Variants in ROBO1 observed in about 807,000 individuals in gnomAD.
ROBO1 encodes roundabout guidance receptor 1.
A neutral mutation model predicts 195.9 loss-of-function variants in ROBO1; 149 were observed. The ratio of observed to expected loss-of-function variants is 0.76; its 90% CI spans 0.67 to 0.87. ROBO1 has a LOEUF of 0.87. Among genes scored for constraint, ROBO1 ranks in the 40% least tolerant of loss-of-function variants. The pLI is 0.00. For synonymous variants in ROBO1, 816 were observed against 733.2 expected, an observed-to-expected ratio of 1.11 and a Z score of -1.82; for missense variants, 1,933 against 2,068.3, an observed-to-expected ratio of 0.93 and a Z score of 1.27.
Position 79,143,427 on chromosome 3 carries a change from T to C in ROBO1, c.89-17888A>G, listed in dbSNP as rs548593989. Among the ~76,000 whole-genome samples, 112 of 152,146 alleles carry C rather than the reference T, an allele frequency of 7.4e-4. No individual in the cohort carries two copies. The Middle Eastern group carries it at 0.01, about 14-fold the overall frequency. On this transcript the variant is annotated intron_variant, in intron 2 of 30. Coordinates refer to ENST00000464233, the MANE Select transcript of ROBO1 (RefSeq NM_002941.4). ...GAAATAACACAGGAAATAAAAAATG[T>C]GCCAGAGTACTTACCCAATGCAGGG...
intron 2 of ROBO1, among the ~76,000 whole-genome samples, chr3:79,253,559 G>T (rs2082771653): frequency 6.6e-6 from 1 of 152,160 alleles, no homozygotes; most frequent in African/African-American, 2.4e-5. Context: ...ATGTTCTTTA[G>T]TTGAAGATGG....
intron 3 of ROBO1, among the ~76,000 whole-genome samples, chr3:78,978,129 T>C (rs927410795): frequency 3.3e-5 from 5 of 152,242 alleles, no homozygotes; most frequent in South Asian, 4.1e-4. Flanking sequence ...TCAGATTGAA[T>C]TGACTGTAGA....
chr3:79,405,291 T>C (rs1377560847), intron 2 of ROBO1, among the ~76,000 whole-genome samples: 1 of 152,184 alleles, frequency 6.6e-6, no homozygotes, highest in Non-Finnish European at 1.5e-5. Context: ...CTGAGATCAG[T>C]ACCCCGACTG....
At chr3:79,543,961 T>G (rs2107649939) in intron 2 of ROBO1, among the ~76,000 whole-genome samples, 1 of 152,162 alleles carries the variant, frequency 6.6e-6, no homozygotes, top group African/African-American at 2.4e-5. Flanking sequence ...ATGTTTAGAC[T>G]AAACAAAAAA....
intron 2 of ROBO1, among the ~76,000 whole-genome samples, chr3:79,205,666 T>G (rs1195497210): frequency 2.0e-5 from 3 of 152,130 alleles, no homozygotes; most frequent in South Asian, 2.1e-4. Flanking sequence ...AATTATACTC[T>G]GGGGAAATCA....
At chr3:79,091,040 A>T (rs1424363895) in intron 3 of ROBO1, among the ~76,000 whole-genome samples, 1 of 152,112 alleles carries the variant, frequency 6.6e-6, no homozygotes, top group Non-Finnish European at 1.5e-5. Context: ...ATTATCTGGA[A>T]TTTGGAATTT....
intron 8 of ROBO1, among the ~76,000 whole-genome samples, chr3:78,694,181 T>C (rs2081237615): frequency 6.6e-6 from 1 of 152,208 alleles, no homozygotes; most frequent in Non-Finnish European, 1.5e-5. Context: ...TCAAATAATA[T>C]ATATTTAAAA....
intron 2 of ROBO1, among the ~76,000 whole-genome samples, chr3:79,562,436 C>T (rs1426293956): frequency 6.6e-6 from 1 of 151,990 alleles, no homozygotes; most frequent in Non-Finnish European, 1.5e-5. Flanking sequence ...TGCTCATCAT[C>T]ACTGGTCATT....
Position 78,661,255 on chromosome 3 carries a change from G to A in ROBO1, c.2095C>T (p.Gln699Ter). ...SSIEVHWTVD[Q>*]QSQYIQGYKI... ...TATCCTTGTATATACTGAGACTGTT[G>A]ATCTACCTATTAAAAAGACAAGTAA... is the stretch of plus-strand genomic sequence containing the variant. The change falls in exon 16 of 31, where the codon CAA (glutamine) becomes TAA (stop). Residue 699 changes from glutamine to a stop codon, truncating the protein, a stop_gained. Transcript: ENST00000464233. LOFTEE classifies it high-confidence loss of function. 6.6e-7 allele frequency: 1 copy of A among 1,522,518 alleles called. No homozygotes were observed. The highest frequency in any genetic ancestry group is 8.9e-7 in the Non-Finnish European group (1 of 1,124,340). 94.3% of individuals were successfully genotyped at this position (1,522,518 alleles called of 1,614,324 possible).
rs528292250 is a variant in ROBO1 at position 79,305,221 on chromosome 3, T to G, written c.89-179682A>C. The stretch of plus-strand genomic sequence containing the variant: ...TTACAAAAGTGGCTGGAGTGGTAGC[T>G]CACGCCTGTAATCCCAACACTTTGA... On this transcript the variant is annotated intron_variant, in intron 2 of 30. Coordinates refer to ENST00000464233, the MANE Select transcript of ROBO1 (RefSeq NM_002941.4). Among the ~76,000 whole-genome samples, 4 of 152,258 alleles carry G rather than the reference T, an allele frequency of 2.6e-5. No homozygotes were observed. The South Asian group carries it at 6.2e-4, about 24-fold the overall frequency.
In ROBO1 at chr3:79,320,567, C is replaced by T. The variant is rs116848033; in HGVS notation, c.89-195028G>A. 1.8e-3 allele frequency among the ~76,000 whole-genome samples: 279 copies of T among 152,192 alleles called. 4 individuals are homozygous for T. The East Asian group carries it at 0.035, about 19-fold the overall frequency. On this transcript the variant is annotated intron_variant, in intron 2 of 30. Transcript: ENST00000464233. ...CTGGCCTTGAACTCCTGGGCTCAAA[C>T]GACAGTCTCACCTGGGCTTCCCAAA...
rs1020527974 is a variant in ROBO1 at position 79,586,649 on chromosome 3, AT to A, written c.88+3174del. Among the ~76,000 whole-genome samples, 11 of 150,908 alleles carry A rather than the reference AT, an allele frequency of 7.3e-5. No individual in the cohort carries two copies. In the East Asian group the frequency reaches 1.5e-3, roughly 21 times the overall value. Reference sequence around the variant, plus strand: ...CAATATAAACCTAGAACTCAATTTTATTTTTTTTTACCATAGAGGTTTTTTA... The same window carrying A: ...CAATATAAACCTAGAACTCAATTTTATTTTTTTTACCATAGAGGTTTTTTA... On this transcript the variant is annotated intron_variant, in intron 2 of 30. Coordinates refer to ENST00000464233, the MANE Select transcript of ROBO1 (RefSeq NM_002941.4).
At chr3:79,585,800 C>CA (rs1177371432) in intron 2 of ROBO1, among the ~76,000 whole-genome samples, 2 of 151,920 alleles carry the variant, frequency 1.3e-5, no homozygotes, top group Non-Finnish European at 2.9e-5. Context: ...TTTTAAGAAG[C>CA]ATCTCAGGTG....
At chr3:78,996,227 T>C (rs1421598288) in intron 3 of ROBO1, among the ~76,000 whole-genome samples, 1 of 151,870 alleles carries the variant, frequency 6.6e-6, no homozygotes, top group Non-Finnish European at 1.5e-5. Context: ...GGCTCACACC[T>C]GTAATCCCAG....
intron 2 of ROBO1, among the ~76,000 whole-genome samples, chr3:79,574,853 A>C (rs72905928): frequency 0.031 from 4,676 of 151,608 alleles, 252 homozygotes; most frequent in African/African-American, 0.11. Context: ...TTTATAATTG[A>C]ACTCCTCCAA....
intron 3 of ROBO1, among the ~76,000 whole-genome samples, chr3:78,976,485 T>G (rs1011488999): frequency 2.6e-5 from 4 of 152,142 alleles, no homozygotes; most frequent in African/African-American, 7.2e-5. Context: ...CTGCCCAGAT[T>G]TACATGCAGC....
chr3:78,922,340 TCTACC>T (rs2038982083), intron 4 of ROBO1, among the ~76,000 whole-genome samples: 1 of 151,920 alleles, frequency 6.6e-6, no homozygotes, highest in Non-Finnish European at 1.5e-5. Flanking sequence ...ATGATCATGG[TCTACC>T]CTTACCTACC....
At chr3:79,413,539 G>A (rs138811904) in intron 2 of ROBO1, among the ~76,000 whole-genome samples, 1 of 152,182 alleles carries the variant, frequency 6.6e-6, no homozygotes, top group East Asian at 1.9e-4. Context: ...TTACCATATG[G>A]GTTACAGATT....
intron 1 of ROBO1, among the ~76,000 whole-genome samples, chr3:79,600,020 C>A (rs1944293554): frequency 6.6e-6 from 1 of 151,676 alleles, no homozygotes; most frequent in Non-Finnish European, 1.5e-5. Context: ...TACACCAAGA[C>A]AGAAAGAAAG....
Sources: allele counts gnomAD v4.1 joint callset (sites outside exome capture counted in the v4.1 genomes callset), GRCh38; gene constraint gnomAD v4.1.1; transcripts MANE v1.5; gene names NCBI Gene and HGNC (gene_info 2026-07-23, HGNC 2026-07-21).